The following LRRC37B variants were observed in gnomAD, a reference collection of about 807,000 sequenced individuals.
LRRC37B encodes leucine rich repeat containing 37B.
LRRC37B carries 28 observed loss-of-function variants against 98.3 expected under a neutral mutation model. The ratio of observed to expected loss-of-function variants is 0.28; its 90% CI spans 0.21 to 0.39. The LOEUF is 0.39. Ranked by LOEUF, LRRC37B falls within the 10% of genes least tolerant of loss-of-function variation. LRRC37B has a pLI of 1.00. For synonymous variants in LRRC37B, 364 were observed against 442.7 expected, an observed-to-expected ratio of 0.82 and a Z score of 2.23; for missense variants, 938 against 1,182.7, an observed-to-expected ratio of 0.79 and a Z score of 3.03.
At chr17:32,039,409 A>G (rs941769867) in intron 7 of LRRC37B, among the ~76,000 whole-genome samples, 1 of 143,248 alleles carries the variant, frequency 7.0e-6, no homozygotes, top group African/African-American at 2.6e-5. Context: ...CCCAGGAGGT[A>G]GAGGTTGCAG....
upstream of LRRC37B, chr17:32,007,964 G>GAGGA (rs772691385): frequency 2.2e-5 from 11 of 506,746 alleles, no homozygotes; most frequent in African/African-American, 2.3e-4. The surrounding 1 kb of genome is among the most constrained non-coding windows in gnomAD (Gnocchi z 4.1). Context: ...GAGCGAGGAG[G>GAGGA]AGGAGTAAGA....
At chr17:32,041,791 T>C (rs1313172073) in intron 7 of LRRC37B, 3 of 458,566 alleles carry the variant, frequency 6.5e-6, no homozygotes, top group African/African-American at 2.0e-5. Context: ...GCCTCCTCCC[T>C]GCTCCCCAAC....
At chr17:32,040,921 T>A in intron 7 of LRRC37B, 1 of 964,518 alleles carries the variant, frequency 1.0e-6, no homozygotes, top group Non-Finnish European at 1.7e-6. Context: ...GGCCGCCGCC[T>A]GGACTTTGAC....
chr17:32,050,729 A>C (rs1464160788), intron 11 of LRRC37B: 1 of 151,894 alleles, frequency 6.6e-6, no homozygotes, highest in Admixed American at 6.6e-5. Context: ...CCTCTGTGAG[A>C]TGTGTCACCA....
intron 7 of LRRC37B, among the ~76,000 whole-genome samples, chr17:32,039,496 A>T (rs1451072339): frequency 7.7e-5 from 3 of 38,846 alleles, no homozygotes; most frequent in African/African-American, 3.9e-4. Context: ...ATATATATAT[A>T]TATATATATA....
intron 1 of LRRC37B, among the ~76,000 whole-genome samples, chr17:32,010,810 TA>T (rs1910508197): frequency 1.3e-5 from 2 of 152,194 alleles, no homozygotes; most frequent in South Asian, 4.1e-4. Context: ...CAGCCCCCAG[TA>T]ACCATCATTC....
intron 2 of LRRC37B, 116 bp downstream of exon 5, chr17:32,024,898 A>G (rs1472192965): frequency 2.2e-6 from 3 of 1,365,614 alleles, no homozygotes; most frequent in Non-Finnish European, 3.0e-6. Flanking sequence ...CATACCCCAA[A>G]TCAGCCTCTG....
chr17:32,022,335 A>G (rs1281435218), exon 1 of LRRC37B: 2 of 1,613,824 alleles, frequency 1.2e-6, no homozygotes, highest in Non-Finnish European at 1.7e-6. Context: ...CCCTGAGGTG[A>G]CACTTCCACC....
chr17:32,018,843 G>A (rs923826607), upstream of LRRC37B, among the ~76,000 whole-genome samples: 1 of 152,162 alleles, frequency 6.6e-6, no homozygotes, highest in African/African-American at 2.4e-5. Context: ...GCAAAATGAG[G>A]TTTCGGTCAA....
chr17:32,022,229 A>T (rs866357113), exon 1 of LRRC37B: 1 of 1,613,920 alleles, frequency 6.2e-7, no homozygotes, highest in Non-Finnish European at 8.5e-7. Context: ...ATGAGACAGA[A>T]TCTACCCAAG....
At chr17:32,051,710 C>G (rs1911767106) in intron 11 of LRRC37B, 1 of 152,136 alleles carries the variant, frequency 6.6e-6, no homozygotes. Context: ...CAAAAACAGC[C>G]ACCACCAAAA....
Position 32,021,576 on chromosome 17 carries a change from C to T in LRRC37B, c.511C>T (p.Gln171Ter). 5.0e-6 allele frequency: 8 copies of T among 1,614,212 alleles called. No homozygotes were observed. Among genetic ancestry groups the T allele is most frequent in the Non-Finnish European group, 6.8e-6 (8 of 1,180,042 alleles). ...TCCGCTTCTCAACCGGGATCAGAAC[C>T]AGGCCCTAGTTCAGCTTCCTCGCCT... Residue 171 changes from glutamine to a stop codon, truncating the protein, a stop_gained, in exon 1 of 12, where the codon CAG becomes TAG. Coordinates refer to ENST00000327564, the Ensembl canonical transcript of LRRC37B. LOFTEE classifies it high-confidence loss of function.
intron 1 of LRRC37B, among the ~76,000 whole-genome samples, chr17:32,013,710 ATGTG>A (rs141872427): frequency 1.2e-3 from 185 of 148,156 alleles, no homozygotes; most frequent in African/African-American, 3.6e-3. Flanking sequence ...ATAATTGTAT[ATGTG>A]TGTGTGTGTG....
At chr17:32,032,603 G>A (rs1419415610) in intron 5 of LRRC37B, among the ~76,000 whole-genome samples, 11 of 152,146 alleles carry the variant, frequency 7.2e-5, no homozygotes, top group Non-Finnish European at 1.6e-4. Context: ...CAGAAATCTA[G>A]TTTCACACAG....
chr17:32,027,481 T>G (rs1466900166), intron 2 of LRRC37B, among the ~76,000 whole-genome samples: 5 of 100,328 alleles, frequency 5.0e-5, no homozygotes, highest in East Asian at 2.8e-4. Context: ...GTGTGTGTGC[T>G]TGTGTGTGGG....
At chr17:32,012,700 A>G (rs1176475380) in intron 1 of LRRC37B, among the ~76,000 whole-genome samples, 2 of 150,090 alleles carry the variant, frequency 1.3e-5, no homozygotes, top group Non-Finnish European at 3.0e-5. Flanking sequence ...TGGGAAGCAG[A>G]GCAAGACTCC....
At chr17:32,035,523 G>A (rs747475691) in intron 6 of LRRC37B, 42 bp from the exon 10 acceptor site, 40 of 1,569,424 alleles carry the variant, frequency 2.5e-5, no homozygotes, top group Non-Finnish European at 3.4e-5. Flanking sequence ...ACAGAATTTT[G>A]TAATGGGTTC....
At chr17:32,029,738 C>T (rs1392850820) in intron 3 of LRRC37B, among the ~76,000 whole-genome samples, 1 of 152,136 alleles carries the variant, frequency 6.6e-6, no homozygotes, top group Non-Finnish European at 1.5e-5. Flanking sequence ...TCTTCCAGGG[C>T]TTTGAATGCC....
At chr17:32,007,861 C>A (rs1402201294), upstream of LRRC37B, 4 of 1,135,150 alleles carry the variant, frequency 3.5e-6, no homozygotes, top group Non-Finnish European at 1.1e-6. The surrounding 1 kb of genome is among the most constrained non-coding windows in gnomAD (Gnocchi z 4.1). Context: ...CCGGCACCAG[C>A]GCACGGGCCC....
Sources: allele counts gnomAD v4.1 joint callset (sites outside exome capture counted in the v4.1 genomes callset), GRCh38; gene constraint gnomAD v4.1.1; non-coding constraint Gnocchi (gnomAD v3.1); transcripts MANE v1.5; gene names NCBI Gene and HGNC (gene_info 2026-07-23, HGNC 2026-07-21).